Variants in TBC1D31 observed in about 807,000 individuals in gnomAD.
The protein encoded by TBC1D31 is WD repeat domain 67.
TBC1D31 carries 99 observed loss-of-function variants against 132.9 expected under a neutral mutation model. That is an observed-to-expected ratio of 0.74 (90% CI 0.63 to 0.88). The LOEUF (loss-of-function observed/expected upper bound fraction) is 0.88, where lower values mean the gene tolerates loss of function less well. TBC1D31 is among the 40% of genes least tolerant of loss of function. The pLI is 0.00. For synonymous variants in TBC1D31, 385 were observed against 419.4 expected (o/e 0.92, Z 1.00); for missense variants, 1,134 against 1,256.6 (o/e 0.90, Z 1.48).
rs57816964 is a variant in TBC1D31 at position 123,145,871 on chromosome 8, CT to C, written c.2974+1032del. On this transcript the variant is annotated intron_variant, in intron 20 of 21. Transcript: ENST00000287380. The stretch of plus-strand genomic sequence containing the variant: ...ATTCACCTTTTTTCTTTCTCTTTTT[CT>C]TTTTTTTTTTTTTTTGAGACAGAGT... 4.4e-3 allele frequency among the ~76,000 whole-genome samples: 589 copies of C among 133,442 alleles called. 1 individual carries two copies. Among genetic ancestry groups the C allele is most frequent in the South Asian group, 6.4e-3 (27 of 4,210 alleles). 87.5% of individuals were successfully genotyped at this position (133,442 alleles called of 152,430 possible).
intron 20 of TBC1D31, among the ~76,000 whole-genome samples, chr8:123,147,178 T>A (rs1822299607): frequency 6.6e-6 from 1 of 151,604 alleles, no homozygotes; most frequent in South Asian, 2.1e-4. Context: ...TTTTTTTTGG[T>A]TGTTTGCTTT....
chr8:123,134,677 G>A (rs1388827696), intron 17 of TBC1D31, among the ~76,000 whole-genome samples: 2 of 152,186 alleles, frequency 1.3e-5, no homozygotes, highest in Admixed American at 1.3e-4. Context: ...ATGTCTGAAT[G>A]TACAGTTTGT....
intron 16 of TBC1D31, among the ~76,000 whole-genome samples, chr8:123,133,154 A>T (rs939453587): frequency 4.6e-5 from 7 of 152,258 alleles, no homozygotes; most frequent in African/African-American, 1.7e-4. Flanking sequence ...GACTGTGAAC[A>T]TCTGTTAGCA....
chr8:123,119,925 G>A, intron 10 of TBC1D31, 130 bp from the exon 11 acceptor site: 2 of 692,102 alleles, frequency 2.9e-6, no homozygotes, highest in Non-Finnish European at 4.6e-6. Context: ...GGTTACTTCT[G>A]GAGAGGTGAA....
the TBC1D31 span, among the ~76,000 whole-genome samples, chr8:123,157,706 C>G: frequency 8.5e-6 from 1 of 118,322 alleles, no homozygotes; most frequent in Non-Finnish European, 1.7e-5. Flanking sequence ...AAAACACACA[C>G]GGGCGCGCGC....
intron 7 of TBC1D31, chr8:123,102,256 C>T (rs890025975): frequency 4.4e-6 from 2 of 456,548 alleles, no homozygotes; most frequent in Non-Finnish European, 8.8e-6. Context: ...GGAAGAAGTT[C>T]GTGCTCAAAA....
intron 17 of TBC1D31, among the ~76,000 whole-genome samples, chr8:123,140,367 A>G (rs1358148162): frequency 6.6e-6 from 1 of 152,158 alleles, no homozygotes; most frequent in Non-Finnish European, 1.5e-5. Context: ...GTCTCAAAAA[A>G]TAAAAAGACT....
intron 14 of TBC1D31, 66 bp from the exon 15 acceptor site, chr8:123,129,000 C>T (rs1820366982): frequency 9.2e-7 from 1 of 1,087,134 alleles, no homozygotes; most frequent in Non-Finnish European, 1.3e-6. Context: ...AATCGGTATA[C>T]ATTTTGTGTT....
chr8:123,118,985 C>A (rs75096144), intron 10 of TBC1D31, among the ~76,000 whole-genome samples: 1 of 152,150 alleles, frequency 6.6e-6, no homozygotes, highest in Admixed American at 6.5e-5. Context: ...CTCAACCCCC[C>A]AAAATGTTGG....
chr8:123,148,004 G>A (rs572045046), intron 20 of TBC1D31, among the ~76,000 whole-genome samples: 6 of 152,072 alleles, frequency 3.9e-5, no homozygotes, highest in Non-Finnish European at 8.8e-5. Context: ...GTACACACCT[G>A]TAATCGCAGC....
intron 4 of TBC1D31, among the ~76,000 whole-genome samples, chr8:123,089,781 G>A (rs1043112736): frequency 7.9e-5 from 12 of 152,202 alleles, no homozygotes; most frequent in African/African-American, 2.7e-4. Context: ...AAACCCAAAA[G>A]TATTTAAATA....
At chr8:123,162,280 C>T in the TBC1D31 span, among the ~76,000 whole-genome samples, 3 of 151,992 alleles carry the variant, frequency 2.0e-5, no homozygotes, top group Admixed American at 2.0e-4. Flanking sequence ...ATTAGAAGCC[C>T]ATTTTACAGA....
At position 123,129,214 on chromosome 8, in the gene TBC1D31, C is replaced by G; in HGVS notation, c.2266C>G (p.Gln756Glu). The change falls in exon 15 of 22, where the codon CAG (glutamine) becomes GAG (glutamate). Residue 756 changes from glutamine to glutamate, a missense_variant. By Grantham distance (29) the Gln-to-Glu change is conservative. Coordinates refer to ENST00000287380, the MANE Select transcript of TBC1D31 (RefSeq NM_145647.4). ...GGAGGAGAAAATGATACAACAAAGACAGAGGTATGTGTTATCACTTTAAAA... is the reference window on the plus strand; with the variant it reads ...GGAGGAGAAAATGATACAACAAAGAGAGAGGTATGTGTTATCACTTTAAAA... ...QEEEKMIQQRQRLAAVKRELK... is the reference protein window; with the variant it reads ...QEEEKMIQQRERLAAVKRELK... The G allele has an allele frequency of 6.3e-7, 1 of 1,576,922 alleles. No homozygotes were observed. The highest frequency in any genetic ancestry group is 8.7e-7 in the Non-Finnish European group (1 of 1,154,984).
chr8:123,129,211 A>G lies in TBC1D31; in HGVS notation c.2263A>G (p.Arg755Gly), dbSNP rs1257684847. 5 of 1,580,760 alleles carry G rather than the reference A, an allele frequency of 3.2e-6. No individual in the cohort carries two copies. The highest frequency in any genetic ancestry group is 4.3e-6 in the Non-Finnish European group (5 of 1,157,130). The change falls in exon 15 of 22, where the codon AGA (arginine) becomes GGA (glycine). Residue 755 changes from arginine to glycine, a missense_variant. Physicochemically the swap from Arg to Gly is moderately radical, Grantham distance 125 (BLOSUM62 -2). Transcript: ENST00000287380. ...AGAGGAGGAGAAAATGATACAACAA[A>G]GACAGAGGTATGTGTTATCACTTTA... ...LQEEEKMIQQ[R>G]QRLAAVKREL...
At chr8:123,128,581 T>C (rs1820314559) in intron 14 of TBC1D31, 68 bp downstream of exon 14, 5 of 1,282,460 alleles carry the variant, frequency 3.9e-6, no homozygotes, top group African/African-American at 1.5e-5. Flanking sequence ...AAAGTTTTAA[T>C]GAAAAATACA....
In TBC1D31 at chr8:123,126,512, A is replaced by G. The variant is rs772720110; in HGVS notation, c.1709A>G (p.Tyr570Cys). 2.5e-6 allele frequency: 4 copies of G among 1,613,498 alleles called. No individual in the cohort carries two copies. Among genetic ancestry groups the G allele is most frequent in the South Asian group, 2.2e-5 (2 of 90,886 alleles). The stretch of plus-strand genomic sequence containing the variant: ...ATTTTTCCTTATCTGTTTTAGCTAT[A>G]TGCATGGCCTCTTCTTGAAACTGTG... The part of the protein sequence containing the change: ...FIDHDITSQL[Y>C]AWPLLETVFS... Residue 570 changes from tyrosine (Y) to cysteine (C), a missense_variant, in exon 13 of 22, where the codon TAT becomes TGT. Coordinates refer to ENST00000287380, the MANE Select transcript of TBC1D31 (RefSeq NM_145647.4).
At chr8:123,110,233 A>G (rs1818316213) in intron 10 of TBC1D31, among the ~76,000 whole-genome samples, 2 of 152,202 alleles carry the variant, frequency 1.3e-5, no homozygotes, top group South Asian at 2.1e-4. Flanking sequence ...TTTTTTATCT[A>G]AAAGTGGGGG....
chr8:123,103,188 T>A (rs1423654138), intron 7 of TBC1D31: 2 of 152,214 alleles, frequency 1.3e-5, no homozygotes, highest in Admixed American at 1.3e-4. Context: ...TAACTATACA[T>A]ATATGTTTCT....
intron 4 of TBC1D31, among the ~76,000 whole-genome samples, chr8:123,090,185 G>A (rs1469904921): frequency 6.6e-6 from 1 of 152,022 alleles, no homozygotes; most frequent in Non-Finnish European, 1.5e-5. Context: ...AATCCTAAAG[G>A]GTAGATATTA....
Sources: allele counts gnomAD v4.1 joint callset (sites outside exome capture counted in the v4.1 genomes callset), GRCh38; gene constraint gnomAD v4.1.1; transcripts MANE v1.5; gene names NCBI Gene and HGNC (gene_info 2026-07-23, HGNC 2026-07-21).